Variants in ARHGAP24 observed in about 807,000 individuals in gnomAD.
ARHGAP24 encodes rho GTPase-activating protein 24.
ARHGAP24 carries 50 observed loss-of-function variants against 76.4 expected under a neutral mutation model. The observed-to-expected ratio is 0.65, with a 90% CI of 0.52 to 0.83. The LOEUF is 0.83. Ranked by LOEUF, ARHGAP24 falls within the 40% of genes least tolerant of loss-of-function variation. The pLI is 0.00. For missense variants in ARHGAP24, 930 were observed against 914.2 expected (o/e 1.02, Z -0.22); for synonymous variants, 345 against 323.3 (o/e 1.07, Z -0.72).
intron 3 of ARHGAP24, among the ~76,000 whole-genome samples, chr4:85,771,057 A>T (rs1367520773): frequency 6.6e-6 from 1 of 152,240 alleles, no homozygotes; most frequent in Non-Finnish European, 1.5e-5. Flanking sequence ...TTTATATTTC[A>T]TAGCCATGGT....
intron 2 of ARHGAP24, among the ~76,000 whole-genome samples, chr4:85,580,162 G>GAA (rs1727551363): frequency 6.6e-6 from 1 of 151,718 alleles, no homozygotes. Flanking sequence ...TGGAGAGAGA[G>GAA]AGAGAGAGAG....
At chr4:85,581,212 T>C (rs985140232) in intron 2 of ARHGAP24, among the ~76,000 whole-genome samples, 3 of 152,112 alleles carry the variant, frequency 2.0e-5, no homozygotes, top group Non-Finnish European at 4.4e-5. Flanking sequence ...AAATATAGCA[T>C]AATAAGCATT....
At chr4:85,539,270 T>C (rs771705193) in intron 1 of ARHGAP24, among the ~76,000 whole-genome samples, 4 of 152,160 alleles carry the variant, frequency 2.6e-5, no homozygotes, top group Admixed American at 2.6e-4. Flanking sequence ...TTTCCTTCCT[T>C]CCAAGTCTTT....
At chr4:85,642,557 C>T (rs1721560432) in intron 2 of ARHGAP24, among the ~76,000 whole-genome samples, 1 of 135,170 alleles carries the variant, frequency 7.4e-6, no homozygotes, top group Non-Finnish European at 1.5e-5. Flanking sequence ...ACTTGAGAGT[C>T]ACGCTTGACT....
chr4:85,679,559 A>G (rs189077520), intron 2 of ARHGAP24, among the ~76,000 whole-genome samples: 1 of 152,230 alleles, frequency 6.6e-6, no homozygotes, highest in East Asian at 1.9e-4. Flanking sequence ...TCTGGCCCTC[A>G]GTCCATTAAT....
intron 2 of ARHGAP24, among the ~76,000 whole-genome samples, chr4:85,654,680 A>C (rs1229633447): frequency 6.6e-6 from 1 of 151,438 alleles, no homozygotes; most frequent in East Asian, 2.0e-4. Flanking sequence ...GAGACTATTT[A>C]TGTAACTGAT....
At chr4:85,586,958 T>G (rs1727887631) in intron 2 of ARHGAP24, among the ~76,000 whole-genome samples, 1 of 152,096 alleles carries the variant, frequency 6.6e-6, no homozygotes, top group Admixed American at 6.5e-5. Flanking sequence ...ACATAATACC[T>G]TAAAATTGCT....
intron 3 of ARHGAP24, among the ~76,000 whole-genome samples, chr4:85,795,692 T>C (rs1728313943): frequency 6.6e-6 from 1 of 152,054 alleles, no homozygotes; most frequent in African/African-American, 2.4e-5. Flanking sequence ...AATTTATGTC[T>C]CTTCCTCAAA....
intron 1 of ARHGAP24, among the ~76,000 whole-genome samples, chr4:85,511,310 A>G (rs1311959159): frequency 2.0e-5 from 3 of 152,158 alleles, no homozygotes; most frequent in Non-Finnish European, 2.9e-5. Flanking sequence ...TTAACGATCT[A>G]GGAAAGACTT....
chr4:85,988,304 A>G (rs1740120724), intron 8 of ARHGAP24, among the ~76,000 whole-genome samples: 1 of 151,328 alleles, frequency 6.6e-6, no homozygotes, highest in Admixed American at 6.6e-5. Flanking sequence ...TCTTATTATT[A>G]ATCTCATTAA....
intron 3 of ARHGAP24, among the ~76,000 whole-genome samples, chr4:85,825,799 G>A (rs1476226299): frequency 2.0e-5 from 3 of 152,062 alleles, no homozygotes; most frequent in Non-Finnish European, 4.4e-5. Flanking sequence ...GAAGTTTTCC[G>A]GGTGACTTGT....
chr4:85,878,375 A>G (rs1359037135), intron 3 of ARHGAP24, among the ~76,000 whole-genome samples: 2 of 152,176 alleles, frequency 1.3e-5, no homozygotes, highest in Non-Finnish European at 2.9e-5. Context: ...TGTAGCCACT[A>G]CAGTAGTGCA....
At chr4:85,519,668 G>A (rs1724660575) in intron 1 of ARHGAP24, among the ~76,000 whole-genome samples, 1 of 152,106 alleles carries the variant, frequency 6.6e-6, no homozygotes, top group African/African-American at 2.4e-5. Context: ...TTACAAAGCA[G>A]CAATTCGATT....
At chr4:85,771,901 G>A (rs1303740596) in intron 3 of ARHGAP24, among the ~76,000 whole-genome samples, 1 of 151,964 alleles carries the variant, frequency 6.6e-6, no homozygotes, top group Non-Finnish European at 1.5e-5. Flanking sequence ...TAGAGACAGG[G>A]TTTCATTATG....
intron 3 of ARHGAP24, among the ~76,000 whole-genome samples, chr4:85,874,357 T>C (rs1466365896): frequency 6.6e-6 from 1 of 152,200 alleles, no homozygotes; most frequent in Non-Finnish European, 1.5e-5. Context: ...ATTAATCCAT[T>C]GTTTTAAATG....
intron 1 of ARHGAP24, among the ~76,000 whole-genome samples, chr4:85,527,963 A>C (rs1490012665): frequency 6.6e-6 from 1 of 152,122 alleles, no homozygotes. Context: ...CAGGAACATA[A>C]GTGAATCTGG....
At position 85,994,622 on chromosome 4, in the gene ARHGAP24, G is replaced by A; in HGVS notation, c.968G>A (p.Ser323Asn). The A allele has an allele frequency of 1.2e-6, 2 of 1,614,190 alleles. No homozygotes were observed. The highest frequency in any genetic ancestry group is 1.7e-5 in the Admixed American group (1 of 60,026). The change falls in exon 9 of 10, where the codon AGC becomes AAC. Residue 323 changes from serine (S) to asparagine (N), a missense_variant. Ser to Asn is a conservative substitution (Grantham distance 46). Coordinates refer to ENST00000395184, the MANE Select transcript of ARHGAP24 (RefSeq NM_001025616.3). The stretch of plus-strand genomic sequence containing the variant: ...CAGCAGTTGATGTCAGTGATGATTA[G>A]CAAACATGATTGCCTCTTTCCCAAA... ...VVQQLMSVMI[S>N]KHDCLFPKDA...
At position 85,995,333 on chromosome 4, in the gene ARHGAP24, G is replaced by A; in HGVS notation, c.1679G>A (p.Cys560Tyr). ...IDSATWSTSS[C>Y]EISLPENSNS... ...AGTGCTACCTGGTCCACTTCCTCCT[G>A]TGAAATCTCCCTCCCTGAGAACTCC... The change falls in exon 9 of 10, where the codon TGT (cysteine) becomes TAT (tyrosine). Residue 560 changes from cysteine to tyrosine, a missense_variant. Transcript: ENST00000395184. The A allele has an allele frequency of 6.2e-7, 1 of 1,613,998 alleles. No homozygotes were observed.
rs550858273 is a variant in ARHGAP24 at position 85,533,756 on chromosome 4, A to G, written c.-20-36766A>G. Among the ~76,000 whole-genome samples the G allele has an allele frequency of 7.9e-5, 12 of 152,294 alleles. No homozygotes were observed. In the South Asian group the frequency reaches 1.7e-3, roughly 21 times the overall value. ...TTGTTATTACAAATATGATTATTAT[A>G]TAATTACATATTTTTGTAATTATCA... On this transcript the variant is annotated intron_variant, in intron 1 of 9. Coordinates refer to ENST00000395184, the MANE Select transcript of ARHGAP24 (RefSeq NM_001025616.3).
Sources: allele counts gnomAD v4.1 joint callset (sites outside exome capture counted in the v4.1 genomes callset), GRCh38; gene constraint gnomAD v4.1.1; transcripts MANE v1.5; gene names NCBI Gene and HGNC (gene_info 2026-07-23, HGNC 2026-07-21).